GNA12: variants seen among roughly 807,000 people sequenced by gnomAD.
GNA12 encodes the protein G protein subunit alpha 12.
Under a neutral mutation model 26.0 loss-of-function variants are expected in GNA12, and 9 were observed. That is an observed-to-expected ratio of 0.35 (90% confidence interval 0.21 to 0.60). The LOEUF is 0.60. Among genes scored for constraint, GNA12 ranks in the 20% least tolerant of loss-of-function variants. GNA12 has a pLI of 0.78. For missense variants in GNA12, 405 were observed against 525.8 expected (o/e 0.77, Z 2.25); for synonymous variants, 264 against 219.6 (o/e 1.20, Z -1.79).
chr7:2,753,204 G>C (rs1791123394), intron 2 of GNA12, among the ~76,000 whole-genome samples: 2 of 151,988 alleles, frequency 1.3e-5, no homozygotes, highest in African/African-American at 2.4e-5. Context: ...GCCCAGGATG[G>C]AATGCAGCGG....
At chr7:2,794,891 A>C in intron 2 of GNA12, 37 bp downstream of exon 2, 1 of 1,420,672 alleles carries the variant, frequency 7.0e-7, no homozygotes, top group South Asian at 1.1e-5. Flanking sequence ...TAAAAAACAC[A>C]CTATCAGGTG....
intron 2 of GNA12, among the ~76,000 whole-genome samples, chr7:2,792,751 A>T (rs537084936): frequency 6.6e-6 from 1 of 152,322 alleles, no homozygotes; most frequent in Non-Finnish European, 1.5e-5. Context: ...CTTTTACCTT[A>T]ACTGTTAAAG....
intron 2 of GNA12, among the ~76,000 whole-genome samples, chr7:2,793,654 G>A (rs571202606): frequency 9.2e-5 from 14 of 152,106 alleles, no homozygotes; most frequent in African/African-American, 3.1e-4. Flanking sequence ...AGGCCGAGGC[G>A]GGTGGATCAC....
chr7:2,839,959 C>T (rs1171295171), intron 1 of GNA12, among the ~76,000 whole-genome samples: 1 of 152,276 alleles, frequency 6.6e-6, no homozygotes, highest in Non-Finnish European at 1.5e-5. Context: ...GATTGTGCCA[C>T]TGCACTCCAG....
chr7:2,794,892 C>T (rs200966565), intron 2 of GNA12, 36 bp downstream of exon 2: 52 of 1,434,454 alleles, frequency 3.6e-5, no homozygotes, highest in Middle Eastern at 1.9e-4. Flanking sequence ...AAAAAACACA[C>T]TATCAGGTGC....
At position 2,810,535 on chromosome 7, in the gene GNA12, TG is replaced by T. The variant is rs146084359; in HGVS notation, c.310-15393del. Among the ~76,000 whole-genome samples, 1,390 of 152,278 alleles carry T rather than the reference TG, an allele frequency of 9.1e-3. 16 individuals are homozygous for T. Among genetic ancestry groups the T allele is most frequent in the African/African-American group, 0.032 (1,318 of 41,546 alleles). Reference sequence around the variant, plus strand: ...CAGCCTTTAGAAGGAACTTACTCCTTGGGTTTTGTCAATAATTTTTTTTTTA... The same window carrying T: ...CAGCCTTTAGAAGGAACTTACTCCTTGGTTTTGTCAATAATTTTTTTTTTA... On this transcript the variant is annotated intron_variant, in intron 1 of 3. Coordinates refer to ENST00000275364, the MANE Select transcript of GNA12 (RefSeq NM_007353.3).
intron 1 of GNA12, among the ~76,000 whole-genome samples, chr7:2,813,736 G>A (rs577346903): frequency 6.6e-6 from 1 of 152,304 alleles, no homozygotes; most frequent in African/African-American, 2.4e-5. Context: ...CTGGGGCCAC[G>A]CCTAAGTCTG....
chr7:2,799,660 G>T (rs1306305755), intron 1 of GNA12, among the ~76,000 whole-genome samples: 1 of 151,786 alleles, frequency 6.6e-6, no homozygotes, highest in African/African-American at 2.4e-5. Context: ...GTCACAGAAT[G>T]AAATGAAGAG....
chr7:2,798,923 G>A (rs1792742015), intron 1 of GNA12, among the ~76,000 whole-genome samples: 1 of 148,414 alleles, frequency 6.7e-6, no homozygotes, highest in South Asian at 2.3e-4. Flanking sequence ...AACGCTGTTG[G>A]AGGAAGTGGA....
chr7:2,842,993 T>C (rs777076298), intron 1 of GNA12, among the ~76,000 whole-genome samples: 1 of 152,180 alleles, frequency 6.6e-6, no homozygotes, highest in Non-Finnish European at 1.5e-5. Flanking sequence ...TTGTATACAT[T>C]TGAAGTTTTC....
chr7:2,808,637 C>T (rs1184005348), intron 1 of GNA12, among the ~76,000 whole-genome samples: 2 of 152,234 alleles, frequency 1.3e-5, no homozygotes, highest in African/African-American at 4.8e-5. Flanking sequence ...GTGGTTCTAC[C>T]TTCCAGAGAC....
intron 1 of GNA12, among the ~76,000 whole-genome samples, chr7:2,839,872 G>A (rs1220869880): frequency 6.6e-6 from 1 of 152,102 alleles, no homozygotes; most frequent in African/African-American, 2.4e-5. Context: ...GGTGGTGGGC[G>A]CCTGTAATCC....
rs538502062 is a variant in GNA12, at chr7:2,788,330, CTG to C, written c.525+6596_525+6597del. Among the ~76,000 whole-genome samples the C allele has an allele frequency of 4.2e-3, 646 of 152,282 alleles. 5 individuals are homozygous for C. Among genetic ancestry groups the C allele is most frequent in the African/African-American group, 0.015 (614 of 41,544 alleles). ...CTGCCTTGTCGCTGTGGCCAGGTAACTGTGTTCCCGTTCAGGAGACTTCTGAG... is the reference window on the plus strand; with the variant it reads ...CTGCCTTGTCGCTGTGGCCAGGTAACTGTTCCCGTTCAGGAGACTTCTGAG... On this transcript the variant is annotated intron_variant, in intron 2 of 3. Coordinates refer to ENST00000275364, the MANE Select transcript of GNA12 (RefSeq NM_007353.3).
At chr7:2,788,195 A>G (rs958891079) in intron 2 of GNA12, among the ~76,000 whole-genome samples, 1 of 151,764 alleles carries the variant, frequency 6.6e-6, no homozygotes, top group African/African-American at 2.4e-5. Context: ...AGCCAAGAAT[A>G]TGTGGAAGCT....
intron 2 of GNA12, among the ~76,000 whole-genome samples, chr7:2,741,229 C>A (rs208354): frequency 0.12 from 17,703 of 152,184 alleles, 1,777 homozygotes; most frequent in East Asian, 0.56. Context: ...GGCACGCACA[C>A]CTGTGGTCTC....
At chr7:2,756,610 C>G (rs1037839561) in intron 2 of GNA12, among the ~76,000 whole-genome samples, 3 of 151,768 alleles carry the variant, frequency 2.0e-5, no homozygotes, top group African/African-American at 7.3e-5. Flanking sequence ...CTGTCTCAAA[C>G]AAACAAACAA....
intron 1 of GNA12, among the ~76,000 whole-genome samples, chr7:2,805,706 A>T (rs899745498): frequency 2.6e-5 from 4 of 152,252 alleles, no homozygotes; most frequent in Admixed American, 2.6e-4. Context: ...TTTTTTAAAA[A>T]TAGTAATTAA....
chr7:2,731,843 G>C lies in GNA12; in HGVS notation c.577-93C>G. On this transcript the variant is annotated intron_variant, in intron 3 of 3. Coordinates refer to ENST00000275364, the MANE Select transcript of GNA12 (RefSeq NM_007353.3). The surrounding 1 kb of genome is among the most constrained non-coding windows in gnomAD (Gnocchi z 6.0). ...AGATGGCAAAAAGATAAGAAGGAAA[G>C]AGACTGACTTTTGCAACAGGTTGAA... 1.5e-6 allele frequency: 1 copy of C among 671,870 alleles called. No individual in the cohort carries two copies. Among genetic ancestry groups the C allele is most frequent in the Non-Finnish European group, 2.3e-6 (1 of 427,978 alleles). The allele number at this position is 671,870 out of a possible 1,614,324, so 41.6% of individuals were successfully genotyped here.
rs1310012103 is a variant in GNA12, at chr7:2,814,322, G to A, written c.310-19179C>T. 6 of 1,570,538 alleles carry A rather than the reference G, an allele frequency of 3.8e-6. No individual in the cohort carries two copies. The Admixed American group carries it at 1.0e-4, about 26-fold the overall frequency. ...CGGAGTGAGACTCACCCTGGACCCA[G>A]GGTGTGCAATGAGTAGGTGCTCAAA... is the stretch of plus-strand genomic sequence containing the variant. On this transcript the variant is annotated intron_variant, in intron 1 of 3. Transcript: ENST00000275364.
Sources: allele counts gnomAD v4.1 joint callset (sites outside exome capture counted in the v4.1 genomes callset), GRCh38; gene constraint gnomAD v4.1.1; non-coding constraint Gnocchi (gnomAD v3.1); transcripts MANE v1.5; gene names NCBI Gene and HGNC (gene_info 2026-07-23, HGNC 2026-07-21).